Variants in MTA1 observed in about 807,000 individuals in gnomAD.
The protein encoded by MTA1 is metastasis-associated protein MTA1.
A neutral mutation model predicts 97.0 loss-of-function variants in MTA1; 15 were observed. The observed-to-expected ratio is 0.15, with a 90% CI of 0.10 to 0.24. The LOEUF (loss-of-function observed/expected upper bound fraction) is 0.24. Ranked by LOEUF, MTA1 falls within the 10% of genes least tolerant of loss-of-function variation. The pLI, the probability that MTA1 is intolerant of heterozygous loss-of-function variation, is 1.00. For missense variants in MTA1, 709 were observed against 1,015.1 expected, an observed-to-expected ratio of 0.70 and a Z score of 4.10; for synonymous variants, 435 against 417.5, an observed-to-expected ratio of 1.04 and a Z score of -0.51.
At chr14:105,443,365 C>G (rs1555426275) in intron 2 of MTA1, among the ~76,000 whole-genome samples, 1 of 152,140 alleles carries the variant, frequency 6.6e-6, no homozygotes, top group Non-Finnish European at 1.5e-5. Flanking sequence ...TCTCTTTATT[C>G]TTTCTTTTTT....
At chr14:105,433,530 G>A (rs2082243766) in intron 1 of MTA1, among the ~76,000 whole-genome samples, 1 of 152,176 alleles carries the variant, frequency 6.6e-6, no homozygotes, top group Non-Finnish European at 1.5e-5. Context: ...GACCTCTCTG[G>A]AAGGAAGAAT....
chr14:105,461,710 A>T (rs587617077), intron 10 of MTA1, among the ~76,000 whole-genome samples: 10 of 152,336 alleles, frequency 6.6e-5, no homozygotes, highest in African/African-American at 2.2e-4. Context: ...GGGGTTGGGT[A>T]GGGTGCCTAG....
intron 1 of MTA1, among the ~76,000 whole-genome samples, chr14:105,429,827 G>T (rs2082127760): frequency 8.0e-6 from 1 of 124,408 alleles, no homozygotes; most frequent in African/African-American, 3.2e-5. Flanking sequence ...TGCGATCTTG[G>T]CTCACTGCCA....
In MTA1 at chr14:105,463,406, C is replaced by G; in HGVS notation, c.1018-87C>G. Reference sequence around the variant, plus strand: ...GCCCGGCTGTCCTCTCCGTGGTGCTCTCCTCTCCGTAGCCTCCAGCCTGTC... The same window carrying G: ...GCCCGGCTGTCCTCTCCGTGGTGCTGTCCTCTCCGTAGCCTCCAGCCTGTC... On this transcript the variant is annotated intron_variant, in intron 11 of 20. Coordinates refer to ENST00000331320, the MANE Select transcript of MTA1 (RefSeq NM_004689.4). This position sits in a 1 kb window ranked among gnomAD's most constrained non-coding sequence, Gnocchi z 5.9. 6.5e-7 allele frequency: 1 copy of G among 1,528,228 alleles called. No homozygotes were observed. The highest frequency in any genetic ancestry group is 9.1e-7 in the Non-Finnish European group (1 of 1,104,696). 94.7% of individuals were successfully genotyped at this position (1,528,228 alleles called of 1,614,324 possible).
chr14:105,451,916 G>A (rs778272199), intron 6 of MTA1, among the ~76,000 whole-genome samples: 13 of 149,850 alleles, frequency 8.7e-5, no homozygotes, highest in African/African-American at 2.2e-4. Context: ...TCAGCCTCCC[G>A]AGTAGCTGGG....
chr14:105,465,391 G>GT, intron 16 of MTA1: 1 of 408,072 alleles, frequency 2.5e-6, no homozygotes, highest in Non-Finnish European at 4.3e-6. Flanking sequence ...TCCTGGGGTC[G>GT]TGATGGGGCC....
intron 1 of MTA1, among the ~76,000 whole-genome samples, chr14:105,427,888 C>T (rs1266950992): frequency 4.0e-5 from 6 of 151,302 alleles, no homozygotes; most frequent in Admixed American, 1.3e-4. Flanking sequence ...CGTGGTGGTG[C>T]GTGCCTGTAA....
Position 105,420,133 on chromosome 14 carries a change from C to G in MTA1, c.28+70C>G. The G allele has an allele frequency of 1.2e-6, 1 of 801,128 alleles. No homozygotes were observed. Among genetic ancestry groups the G allele is most frequent in the Non-Finnish European group, 1.5e-6 (1 of 658,322 alleles). The allele number at this position is 801,128 out of a possible 1,614,324, so 49.6% of individuals were successfully genotyped here. ...CCCCCACCCGCCGCCGCTGCCGCCT[C>G]CCCCGCCCCTCTGCCCCGCAGGCCC... On this transcript the variant is annotated intron_variant, in intron 1 of 20. Coordinates refer to ENST00000331320, the MANE Select transcript of MTA1 (RefSeq NM_004689.4). The surrounding 1 kb of genome is among the most constrained non-coding windows in gnomAD (Gnocchi z 5.3).
chr14:105,465,406 G>A, intron 16 of MTA1: 1 of 386,486 alleles, frequency 2.6e-6, no homozygotes, highest in Non-Finnish European at 4.6e-6. Context: ...GGGGCCCAGT[G>A]CGGAGTAGCG....
intron 7 of MTA1, chr14:105,454,616 C>CT (rs1208334314): frequency 1.5e-4 from 38 of 251,630 alleles, no homozygotes; most frequent in South Asian, 2.2e-4. Flanking sequence ...TTTTCTTTTT[C>CT]TTTTTTTTCA....
chr14:105,442,558 C>T (rs587721031), intron 2 of MTA1, among the ~76,000 whole-genome samples: 1 of 152,386 alleles, frequency 6.6e-6, no homozygotes, highest in East Asian at 1.9e-4. Context: ...TTGTTAATCT[C>T]AGGAAGCAAA....
intron 7 of MTA1, among the ~76,000 whole-genome samples, chr14:105,455,198 A>G (rs1318895102): frequency 1.3e-5 from 2 of 152,184 alleles, no homozygotes; most frequent in African/African-American, 4.8e-5. Context: ...GAGCCACTGC[A>G]CCTGGCCTCA....
chr14:105,446,103 G>A (rs933982118), intron 3 of MTA1, among the ~76,000 whole-genome samples: 4 of 152,156 alleles, frequency 2.6e-5, no homozygotes, highest in East Asian at 1.9e-4. Flanking sequence ...ACAGGTGCTC[G>A]CAGGTGGTGG....
Position 105,458,258 on chromosome 14 carries a change from T to G in MTA1, c.551-12T>G, listed in dbSNP as rs2083228617. ...GACCCCGTCTCAGAAAGGCCACACT[T>G]CCTCCCTGTAGGCGAGGAGGATGGC... On this transcript the variant is annotated splice_polypyrimidine_tract_variant and intron_variant, in intron 7 of 20. Transcript: ENST00000331320. The G allele has an allele frequency of 1.9e-6, 3 of 1,611,006 alleles. No individual in the cohort carries two copies. Among genetic ancestry groups the G allele is most frequent in the Non-Finnish European group, 2.5e-6 (3 of 1,178,740 alleles).
intron 6 of MTA1, among the ~76,000 whole-genome samples, chr14:105,453,322 T>C (rs1302662653): frequency 6.6e-6 from 1 of 152,276 alleles, no homozygotes; most frequent in African/African-American, 2.4e-5. Flanking sequence ...ACACCTTGGA[T>C]AAGTTACATC....
intron 18 of MTA1, chr14:105,467,625 G>A (rs914499729): frequency 3.2e-5 from 12 of 380,448 alleles, no homozygotes; most frequent in African/African-American, 1.0e-4. Flanking sequence ...GCTTCCTCCC[G>A]ACATCCCTTG....
chr14:105,438,958 G>A (rs907899310), intron 2 of MTA1, among the ~76,000 whole-genome samples: 2 of 152,188 alleles, frequency 1.3e-5, no homozygotes, highest in Non-Finnish European at 2.9e-5. Context: ...AGGACCCAGC[G>A]CAGCTGCCCT....
At position 105,445,632 on chromosome 14, in the gene MTA1, A is replaced by G. The variant is rs782247844; in HGVS notation, c.190+121A>G. On this transcript the variant is annotated intron_variant, in intron 3 of 20. Transcript: ENST00000331320. ...GCCTCGTGGGGCCACCCTCTGCCCA[A>G]CTCACTCTGGCGTCTCTTTTTCTCC... The G allele has an allele frequency of 4.0e-6, 4 of 999,058 alleles. No individual in the cohort carries two copies. The Admixed American group carries it at 6.0e-5, about 15-fold the overall frequency. The allele number at this position is 999,058 out of a possible 1,614,324, so 61.9% of individuals were successfully genotyped here. A position where few individuals can be genotyped will look rare whatever the true frequency, so the allele number is the denominator to read the frequency against.
intron 6 of MTA1, 125 bp downstream of exon 6, chr14:105,450,449 T>TG: frequency 8.8e-7 from 1 of 1,141,910 alleles, no homozygotes; most frequent in Non-Finnish European, 1.2e-6. Context: ...CAGGCTGTTC[T>TG]GGGGGGAAGC....
Sources: gnomAD v4.1 joint callset for allele counts (sites outside exome capture counted in the v4.1 genomes callset) on GRCh38, gnomAD v4.1.1 for gene constraint, Gnocchi (gnomAD v3.1) non-coding constraint, MANE v1.5 for transcripts, NCBI Gene and HGNC (gene_info 2026-07-23, HGNC 2026-07-21) for gene names.